The following SLC9A7 variants were observed in gnomAD, a reference collection of about 807,000 sequenced individuals.
The protein encoded by SLC9A7 is sodium/hydrogen exchanger 7.
Under a neutral mutation model 52.6 loss-of-function variants are expected in SLC9A7, and 19 were observed. The ratio of observed to expected loss-of-function variants is 0.36; its 90% CI spans 0.25 to 0.53. The LOEUF is 0.53. Ranked by LOEUF, SLC9A7 falls within the 20% of genes least tolerant of loss-of-function variation. The pLI is 0.91. For synonymous variants in SLC9A7, 226 were observed against 252.1 expected (o/e 0.90, Z 0.98); for missense variants, 455 against 597.9 (o/e 0.76, Z 2.49).
At chrX:46,711,938 A>ACACACACT (rs1204079298) in intron 1 of SLC9A7, among the ~76,000 whole-genome samples, 30 of 108,178 alleles carry the variant, frequency 2.8e-4, no homozygotes, top group Admixed American at 3.9e-4. Flanking sequence ...ACACACACAC[A>ACACACACT]CTTCCACTGA....
chrX:46,749,218 G>A (rs897275951), intron 1 of SLC9A7, among the ~76,000 whole-genome samples: 3 of 111,865 alleles, frequency 2.7e-5, no homozygotes, highest in East Asian at 2.8e-4. Context: ...GCTAGGTAGC[G>A]TTATAGCATC....
At chrX:46,700,081 AGT>A (rs1355367495) in intron 1 of SLC9A7, among the ~76,000 whole-genome samples, 1 of 108,703 alleles carries the variant, frequency 9.2e-6, no homozygotes, top group Non-Finnish European at 1.9e-5. Flanking sequence ...CTCCAGCCTG[AGT>A]GACAGCGAAA....
intron 5 of SLC9A7, among the ~76,000 whole-genome samples, chrX:46,667,667 G>A (rs186720174): frequency 8.1e-5 from 9 of 111,482 alleles, no homozygotes; most frequent in Non-Finnish European, 1.7e-4. Context: ...ATGGTCAAGT[G>A]GGGTATCTTA....
chrX:46,626,794 T>A (rs745715599), intron 14 of SLC9A7, among the ~76,000 whole-genome samples: 116 of 112,303 alleles, frequency 1.0e-3, no homozygotes, highest in Non-Finnish European at 1.5e-3. Flanking sequence ...TATGGTAAGA[T>A]GTGTTTGCTT....
chrX:46,607,900 G>A (rs1475265105), intron 16 of SLC9A7, among the ~76,000 whole-genome samples: 1 of 112,178 alleles, frequency 8.9e-6, no homozygotes, highest in African/African-American at 3.2e-5. Context: ...ACAAGGGGAG[G>A]GCCACAACCC....
At chrX:46,713,425 C>T (rs943676380) in intron 1 of SLC9A7, among the ~76,000 whole-genome samples, 2 of 109,089 alleles carry the variant, frequency 1.8e-5, no homozygotes, top group African/African-American at 6.7e-5. Flanking sequence ...CGCTTGAACC[C>T]GGGAGGTGGA....
intron 14 of SLC9A7, among the ~76,000 whole-genome samples, chrX:46,626,853 T>C (rs1421614342): frequency 8.9e-6 from 1 of 112,424 alleles, no homozygotes; most frequent in Non-Finnish European, 1.9e-5. Flanking sequence ...CTCCCAGCTA[T>C]GCTTCCTGTA....
chrX:46,651,248 C>T, intron 9 of SLC9A7, 25 bp from the exon 10 acceptor site: 2 of 1,173,269 alleles, frequency 1.7e-6, no homozygotes, highest in Non-Finnish European at 2.3e-6. Flanking sequence ...GAAAAGGAAG[C>T]TGTAACCCTG....
chrX:46,711,777 C>G (rs1944690738), intron 1 of SLC9A7, among the ~76,000 whole-genome samples: 1 of 109,449 alleles, frequency 9.1e-6, no homozygotes, highest in African/African-American at 3.3e-5. Context: ...ACTACCCCTC[C>G]CTAATCTTCC....
At chrX:46,738,097 AAGAAAGAAAG>A (rs1452532019) in intron 1 of SLC9A7, among the ~76,000 whole-genome samples, 62 of 54,179 alleles carry the variant, frequency 1.1e-3, no homozygotes, top group African/African-American at 2.5e-3. Flanking sequence ...GAAAGAAAGA[AAGAAAGAAAG>A]AGAAAAGAAA....
intron 13 of SLC9A7, among the ~76,000 whole-genome samples, chrX:46,631,891 G>A (rs936012063): frequency 5.4e-5 from 6 of 111,877 alleles, no homozygotes; most frequent in Non-Finnish European, 1.1e-4. Flanking sequence ...AAGCAAGGCC[G>A]CCGGAACACA....
intron 1 of SLC9A7, among the ~76,000 whole-genome samples, chrX:46,706,526 G>A (rs932792312): frequency 3.6e-5 from 4 of 110,637 alleles, no homozygotes; most frequent in Non-Finnish European, 7.6e-5. Flanking sequence ...AGCAACTGTA[G>A]GTTGAGCACA....
At chrX:46,625,065 TGAA>T (rs1943103397) in intron 14 of SLC9A7, among the ~76,000 whole-genome samples, 1 of 111,364 alleles carries the variant, frequency 9.0e-6, no homozygotes, top group Non-Finnish European at 1.9e-5. Flanking sequence ...ACAAATATAA[TGAA>T]GAAAAAGAAA....
chrX:46,647,237 C>T (rs1943507979), intron 11 of SLC9A7: 1 of 203,323 alleles, frequency 4.9e-6, no homozygotes, highest in African/African-American at 2.9e-5. Flanking sequence ...CTTGTGGCTC[C>T]CGGGCTCAGG....
chrX:46,684,312 C>G (rs915343980), intron 1 of SLC9A7, among the ~76,000 whole-genome samples: 4 of 111,560 alleles, frequency 3.6e-5, no homozygotes, highest in African/African-American at 1.3e-4. Context: ...TCAAGCAATT[C>G]TCCTGCCTCA....
At chrX:46,663,076 G>T (rs966185442) in intron 5 of SLC9A7, among the ~76,000 whole-genome samples, 2 of 112,667 alleles carry the variant, frequency 1.8e-5, no homozygotes, top group Admixed American at 1.9e-4. Flanking sequence ...GCTCATGCTT[G>T]TAATTCCAGC....
intron 1 of SLC9A7, among the ~76,000 whole-genome samples, chrX:46,721,513 CT>C (rs1230179116): frequency 1.2e-3 from 125 of 106,973 alleles, no homozygotes; most frequent in East Asian, 7.2e-3. Flanking sequence ...GCAAATGATT[CT>C]TTTTTTTTTT....
Position 46,686,584 on chromosome X carries a change from C to A in SLC9A7, c.326-4049G>T, listed in dbSNP as rs149804126. Among the ~76,000 whole-genome samples, 771 of 110,009 alleles carry A rather than the reference C, an allele frequency of 7.0e-3. 8 individuals are homozygous for A. Among genetic ancestry groups the A allele is most frequent in the African/African-American group, 0.023 (691 of 29,430 alleles). ...ACAGGGAACTGTGAAGTGGTCATAG[C>A]TACAAGGAATTAAAACATGCACTAG... On this transcript the variant is annotated intron_variant, in intron 1 of 16. Coordinates refer to ENST00000616978, the MANE Select transcript of SLC9A7 (RefSeq NM_001257291.2).
chrX:46,729,789 G>A (rs1569524338), intron 1 of SLC9A7, among the ~76,000 whole-genome samples: 1 of 110,707 alleles, frequency 9.0e-6, no homozygotes, highest in African/African-American at 3.3e-5. Flanking sequence ...AAAAAGAAAA[G>A]AAAGAAAGAA....
Sources: gnomAD v4.1 joint callset for allele counts (sites outside exome capture counted in the v4.1 genomes callset) on GRCh38, gnomAD v4.1.1 for gene constraint, MANE v1.5 for transcripts, NCBI Gene and HGNC (gene_info 2026-07-23, HGNC 2026-07-21) for gene names.